Variants in CHRM5 observed in about 807,000 individuals in gnomAD.
CHRM5 encodes the protein cholinergic receptor muscarinic 5.
A neutral mutation model predicts 39.0 loss-of-function variants in CHRM5; 18 were observed. The ratio of observed to expected loss-of-function variants is 0.46; its 90% CI spans 0.32 to 0.68. The LOEUF (loss-of-function observed/expected upper bound fraction) is 0.68. Among genes scored for constraint, CHRM5 ranks in the 30% least tolerant of loss-of-function variants. The probability of loss-of-function intolerance (pLI) is 0.04; values close to 1 mark genes in which losing one functional copy is unlikely to be tolerated. For missense variants in CHRM5, 515 were observed against 651.1 expected, an observed-to-expected ratio of 0.79 and a Z score of 2.28; for synonymous variants, 241 against 246.3, an observed-to-expected ratio of 0.98 and a Z score of 0.20.
intron 1 of CHRM5, among the ~76,000 whole-genome samples, chr15:34,008,981 A>G (rs1320797559): frequency 1.4e-5 from 2 of 138,554 alleles, no homozygotes; most frequent in East Asian, 4.4e-4. Context: ...CACACAGACC[A>G]TCGAGAAAAC....
intron 1 of CHRM5, among the ~76,000 whole-genome samples, chr15:34,043,240 C>A (rs1899551705): frequency 6.7e-6 from 1 of 149,968 alleles, no homozygotes; most frequent in Non-Finnish European, 1.5e-5. Flanking sequence ...GAGCAAGAAT[C>A]CGTCTCAAAA....
At chr15:33,980,468 C>G (rs553024118) in intron 1 of CHRM5, among the ~76,000 whole-genome samples, 2 of 152,290 alleles carry the variant, frequency 1.3e-5, no homozygotes, top group South Asian at 4.1e-4. Flanking sequence ...CCAGGCAACA[C>G]GTCCTCTGAT....
chr15:33,976,310 T>C (rs1895884475), intron 1 of CHRM5, among the ~76,000 whole-genome samples: 1 of 152,226 alleles, frequency 6.6e-6, no homozygotes, highest in African/African-American at 2.4e-5. Flanking sequence ...TCATCCAAAA[T>C]CTCAAATGAT....
chr15:34,019,401 A>G (rs1320006386), intron 1 of CHRM5, among the ~76,000 whole-genome samples: 1 of 152,228 alleles, frequency 6.6e-6, no homozygotes, highest in Non-Finnish European at 1.5e-5. Flanking sequence ...AAAAGTTTAT[A>G]AAGTAAGAAA....
At chr15:33,995,981 T>C (rs1160115709) in intron 1 of CHRM5, among the ~76,000 whole-genome samples, 3 of 151,666 alleles carry the variant, frequency 2.0e-5, no homozygotes, top group Non-Finnish European at 1.5e-5. Context: ...TCCGCCCAAA[T>C]ACTGCGCTTT....
intron 1 of CHRM5, among the ~76,000 whole-genome samples, chr15:34,012,372 AT>A (rs1432175634): frequency 9.9e-5 from 15 of 152,226 alleles, no homozygotes; most frequent in African/African-American, 2.9e-4. Context: ...TGTATAAAAA[AT>A]ATCTTTATAT....
At chr15:34,033,734 T>TA (rs2074364990) in intron 1 of CHRM5, among the ~76,000 whole-genome samples, 2 of 152,130 alleles carry the variant, frequency 1.3e-5, no homozygotes, top group Non-Finnish European at 2.9e-5. Context: ...AAAATACAAG[T>TA]AAAAAAGAAT....
rs751991803 is a variant in CHRM5 at position 34,063,344 on chromosome 15, G to GA, written c.628dup (p.Thr210AsnfsTer20). The GA allele has an allele frequency of 6.2e-7, 1 of 1,614,136 alleles. No individual in the cohort carries two copies. Among genetic ancestry groups the GA allele is most frequent in the Non-Finnish European group, 8.5e-7 (1 of 1,180,042 alleles). On this transcript the variant is annotated frameshift_variant, in exon 3 of 3. Coordinates refer to ENST00000383263, the MANE Select transcript of CHRM5 (RefSeq NM_012125.4). LOFTEE classifies it high-confidence loss of function. This position sits in a 1 kb window ranked among gnomAD's most constrained non-coding sequence, Gnocchi z 4.1. ...CCTTCTACATCCCTGTTTCTGTCAT[G>GA]ACCATCCTCTACTGTCGAATCTACC... is the stretch of plus-strand genomic sequence containing the variant.
At chr15:34,013,865 C>G (rs1897746071) in intron 1 of CHRM5, among the ~76,000 whole-genome samples, 1 of 152,116 alleles carries the variant, frequency 6.6e-6, no homozygotes, top group South Asian at 2.1e-4. Context: ...CAGTTCTGCT[C>G]TAGATGTAGA....
intron 1 of CHRM5, among the ~76,000 whole-genome samples, chr15:33,983,209 T>C (rs919827472): frequency 0.28 from 10,312 of 36,956 alleles, 812 homozygotes; most frequent in African/African-American, 0.44. Context: ...TGTATATATA[T>C]ATATACATAT....
chr15:34,030,803 G>C (rs1156537604), intron 1 of CHRM5, among the ~76,000 whole-genome samples: 2 of 151,718 alleles, frequency 1.3e-5, no homozygotes, highest in African/African-American at 4.8e-5. Context: ...TGTTGTTGTT[G>C]ACAGGGATCT....
intron 1 of CHRM5, among the ~76,000 whole-genome samples, chr15:33,989,343 T>C (rs1287197357): frequency 6.6e-6 from 1 of 152,144 alleles, no homozygotes; most frequent in Non-Finnish European, 1.5e-5. Flanking sequence ...TTCTTAGCTT[T>C]TGTATAGAAC....
At chr15:34,026,978 G>A (rs1056960565) in intron 1 of CHRM5, among the ~76,000 whole-genome samples, 2 of 150,748 alleles carry the variant, frequency 1.3e-5, no homozygotes, top group Non-Finnish European at 3.0e-5. Flanking sequence ...AGATGCCCAA[G>A]AGTGGCAATG....
At chr15:33,969,432 T>C (rs986011924) in intron 1 of CHRM5, among the ~76,000 whole-genome samples, 3 of 151,888 alleles carry the variant, frequency 2.0e-5, no homozygotes, top group Non-Finnish European at 2.9e-5. Flanking sequence ...TTGAAAAAAA[T>C]GCATGAAGAG....
intron 1 of CHRM5, among the ~76,000 whole-genome samples, chr15:34,010,008 T>C (rs1404072531): frequency 1.3e-5 from 2 of 151,950 alleles, no homozygotes; most frequent in African/African-American, 4.8e-5. Context: ...TATAAACATA[T>C]GCTCCTAGGA....
In CHRM5 at chr15:34,008,945, T is replaced by TGC. The variant is rs71119911; in HGVS notation, c.-407-37586_-407-37585dup. 1.1e-3 allele frequency among the ~76,000 whole-genome samples: 164 copies of TGC among 149,024 alleles called. 1 individual carries two copies. Among genetic ancestry groups the TGC allele is most frequent in the South Asian group, 1.1e-3 (5 of 4,710 alleles). On this transcript the variant is annotated intron_variant, in intron 1 of 2. Coordinates refer to ENST00000383263, the MANE Select transcript of CHRM5 (RefSeq NM_012125.4). ...TAAAATTAAAACACACACTCACACGTGCGCGCGCGCACACACACACACACA... is the reference window on the plus strand; with the variant it reads ...TAAAATTAAAACACACACTCACACGTGCGCGCGCGCGCACACACACACACACA...
chr15:34,031,916 T>C (rs1449235279), intron 1 of CHRM5, among the ~76,000 whole-genome samples: 2 of 152,138 alleles, frequency 1.3e-5, no homozygotes, highest in South Asian at 2.1e-4. Context: ...CATGACACCT[T>C]TGTAGAAAAT....
chr15:34,062,930 C>A lies in CHRM5; in HGVS notation c.213C>A (p.Ser71Arg). 6.2e-7 allele frequency: 1 copy of A among 1,614,196 alleles called. No homozygotes were observed. Among genetic ancestry groups the A allele is most frequent in the Non-Finnish European group, 8.5e-7 (1 of 1,180,028 alleles). ...LKTVNNYYLL[S>R]LACADLIIGI... ...CAGTTAACAACTATTACCTGCTCAG[C>A]TTAGCCTGTGCAGATCTCATCATTG... The change falls in exon 3 of 3, where the codon AGC (serine) becomes AGA (arginine). Residue 71 changes from serine to arginine, a missense_variant. Physicochemically the swap from Ser to Arg is moderately radical, Grantham distance 110 (BLOSUM62 -1). Transcript: ENST00000383263.
chr15:33,973,618 G>C (rs950322548), intron 1 of CHRM5, among the ~76,000 whole-genome samples: 1 of 152,168 alleles, frequency 6.6e-6, no homozygotes, highest in African/African-American at 2.4e-5. Context: ...AAAGCTGGAG[G>C]ATCGCTTGAG....
Sources: gnomAD v4.1 joint callset for allele counts (sites outside exome capture counted in the v4.1 genomes callset) on GRCh38, gnomAD v4.1.1 for gene constraint, Gnocchi (gnomAD v3.1) non-coding constraint, MANE v1.5 for transcripts, NCBI Gene and HGNC (gene_info 2026-07-23, HGNC 2026-07-21) for gene names.